The following SAP130 variants were observed in gnomAD, a reference collection of about 807,000 sequenced individuals.
SAP130 encodes the protein histone deacetylase complex subunit SAP130.
SAP130 carries 16 observed loss-of-function variants against 103.2 expected under a neutral mutation model. That is an observed-to-expected ratio of 0.16 (90% CI 0.10 to 0.24). The LOEUF (loss-of-function observed/expected upper bound fraction) is 0.24. Among genes scored for constraint, SAP130 ranks in the 10% least tolerant of loss-of-function variants. The pLI is 1.00. For synonymous variants in SAP130, 477 were observed against 497.0 expected (o/e 0.96, Z 0.53); for missense variants, 990 against 1,359.7 (o/e 0.73, Z 4.28).
At position 128,016,433 on chromosome 2, in the gene SAP130, G is replaced by A. The variant is rs1684782872; in HGVS notation, c.463C>T (p.Pro155Ser). 6.2e-7 allele frequency: 1 copy of A among 1,613,830 alleles called. No individual in the cohort carries two copies. The highest frequency in any genetic ancestry group is 1.7e-5 in the Admixed American group (1 of 59,968). ...QVTVTMESSI[P>S]QASAIPVATI... ...GCCACAGGAATGGCTGAAGCTTGAGGGATGCTACTCTCCATGGTAACGGTA... is the reference window on the plus strand; with the variant it reads ...GCCACAGGAATGGCTGAAGCTTGAGAGATGCTACTCTCCATGGTAACGGTA... Residue 155 changes from proline (P) to serine (S), a missense_variant, in exon 4 of 21, where the codon CCT becomes TCT. Coordinates refer to ENST00000643581, the MANE Select transcript of SAP130 (RefSeq NM_001330301.2).
intron 15 of SAP130, among the ~76,000 whole-genome samples, chr2:127,969,443 G>T (rs973191961): frequency 1.3e-5 from 2 of 152,130 alleles, no homozygotes; most frequent in African/African-American, 4.8e-5. Flanking sequence ...CTTTGTGTTT[G>T]GCCTGCCTCT....
chr2:127,985,067 C>T (rs568630816), intron 14 of SAP130, among the ~76,000 whole-genome samples: 51 of 152,222 alleles, frequency 3.4e-4, no homozygotes, highest in Non-Finnish European at 6.2e-4. Flanking sequence ...AGAGCCAGGA[C>T]GCCATCGCGT....
At chr2:128,027,815 G>T in intron 1 of SAP130, 125 bp downstream of exon 1, 2 of 607,104 alleles carry the variant, frequency 3.3e-6, no homozygotes, top group Non-Finnish European at 4.1e-6. Context: ...GGTCCGAGCC[G>T]CAGGAGACGA....
At chr2:127,984,359 A>G (rs1272402588) in intron 14 of SAP130, among the ~76,000 whole-genome samples, 1 of 152,124 alleles carries the variant, frequency 6.6e-6, no homozygotes. Flanking sequence ...ACATCTTCCA[A>G]GGTGCTTTGG....
rs754220405 is a variant in SAP130 at position 127,986,925 on chromosome 2, G to C, written c.1818C>G (p.Asn606Lys). 20 of 1,613,886 alleles carry C rather than the reference G, an allele frequency of 1.2e-5. No individual in the cohort carries two copies. The highest frequency in any genetic ancestry group is 1.6e-5 in the Non-Finnish European group (19 of 1,179,878). The stretch of plus-strand genomic sequence containing the variant: ...CAGCACTGAATGGATTGCTAATAGG[G>C]TTGGCCACAATTGTGGCTCCATCTG... ...VLADGATIVA[N>K]PISNPFSAAP... is the part of the protein sequence containing the mutation. Residue 606 changes from asparagine to lysine, a missense_variant, in exon 14 of 21, where the codon AAC (asparagine) becomes AAG (lysine). By Grantham distance (94) the Asn-to-Lys change is moderately conservative (BLOSUM62 0). This residue lies in a region of SAP130 where 349 missense variants were observed against 384.1 expected (regional missense o/e 0.91). Transcript: ENST00000643581. This position sits in a 1 kb window ranked among gnomAD's most constrained non-coding sequence, Gnocchi z 4.7.
At chr2:128,019,730 A>G (rs2105228804) in intron 2 of SAP130, among the ~76,000 whole-genome samples, 1 of 152,130 alleles carries the variant, frequency 6.6e-6, no homozygotes, top group East Asian at 1.9e-4. Context: ...TACTAAAAAT[A>G]CAAAAAAATA....
chr2:128,027,087 T>C (rs747272852), intron 1 of SAP130: 1 of 1,441,654 alleles, frequency 6.9e-7, no homozygotes, highest in Non-Finnish European at 9.2e-7. Context: ...ACTGTGCCTC[T>C]TTACCTGTAG....
intron 15 of SAP130, among the ~76,000 whole-genome samples, chr2:127,969,987 T>C (rs1268420353): frequency 6.6e-6 from 1 of 152,180 alleles, no homozygotes; most frequent in African/African-American, 2.4e-5. Context: ...ACCAGCACTC[T>C]GGGAGGCCGA....
At position 128,000,462 on chromosome 2, in the gene SAP130, G is replaced by A. The variant is rs368040598; in HGVS notation, c.870-8C>T. The A allele has an allele frequency of 5.2e-4, 842 of 1,614,024 alleles. 5 individuals carry two copies. The highest frequency in any genetic ancestry group is 3.1e-3 in the Middle Eastern group (19 of 6,056). ...ATAGACAAGGTTGGCCTACTGAAAA[G>A]ATAACAAAGACACAATGCAGATGGG... is the stretch of plus-strand genomic sequence containing the variant. On this transcript the variant is annotated splice_region_variant and splice_polypyrimidine_tract_variant and intron_variant, in intron 7 of 20. Transcript: ENST00000643581.
intron 15 of SAP130, among the ~76,000 whole-genome samples, chr2:127,970,185 C>T (rs1680973863): frequency 7.0e-6 from 1 of 143,070 alleles, no homozygotes; most frequent in Non-Finnish European, 1.5e-5. Flanking sequence ...CCGAGATTAC[C>T]TCACTGCACT....
chr2:128,014,858 G>A lies in SAP130; in HGVS notation c.564C>T (p.Ile188=), dbSNP rs771353617. 1 of 1,614,198 alleles carries A rather than the reference G, an allele frequency of 6.2e-7. No individual in the cohort carries two copies. Among genetic ancestry groups the A allele is most frequent in the South Asian group, 1.1e-5 (1 of 91,078 alleles). ...GAGGGGGCCCAGGAGCATTGCTGCG[G>A]ATGATAGACATTTGCACATTTGTAG... ...IMTTNVQMSI[I]RSNAPGPPLH... Residue 188 remains isoleucine, a synonymous_variant, in exon 5 of 21, where the codon ATC becomes ATT. Transcript: ENST00000643581.
chr2:127,965,855 CTTA>C (rs1035254320), intron 15 of SAP130, among the ~76,000 whole-genome samples: 149 of 151,612 alleles, frequency 9.8e-4, no homozygotes, highest in African/African-American at 3.4e-3. Flanking sequence ...TCTATTTCCC[CTTA>C]TTATTATTTC....
At position 128,000,120 on chromosome 2, in the gene SAP130, T is replaced by A. The variant is rs1199250996; in HGVS notation, c.1044A>T (p.Pro348=). The change falls in exon 9 of 21, where the codon CCA becomes CCT. Residue 348 remains proline, a synonymous_variant. Transcript: ENST00000643581. ...AQKTIFSTGT[P]VAAATVAPIL... Reference sequence around the variant, plus strand: ...TAGGTGCTACTGTGGCTGCAGCCACTGGCGTGCCAGTACTGAAGATTGTTT... The same window carrying A: ...TAGGTGCTACTGTGGCTGCAGCCACAGGCGTGCCAGTACTGAAGATTGTTT... The A allele has an allele frequency of 2.5e-6, 4 of 1,614,204 alleles. No homozygotes were observed. The South Asian group carries it at 4.4e-5, about 18-fold the overall frequency.
intron 14 of SAP130, among the ~76,000 whole-genome samples, chr2:127,981,320 T>TCCAGTCCTCCTGCACCCCGAC (rs1681866481): frequency 8.4e-5 from 2 of 23,814 alleles, no homozygotes; most frequent in African/African-American, 1.6e-4. Flanking sequence ...GCACCCCCAA[T>TCCAGTCCTCCTGCACCCCGAC]TCAGCTCCCC....
At chr2:127,980,781 TAA>T (rs1378185567) in intron 14 of SAP130, among the ~76,000 whole-genome samples, 13 of 151,838 alleles carry the variant, frequency 8.6e-5, no homozygotes, top group Non-Finnish European at 5.9e-5. Flanking sequence ...CCATCTCTAC[TAA>T]AAATACAAAA....
At chr2:127,954,896 G>A (rs1679722552) in intron 16 of SAP130, 90 bp downstream of exon 16, 1 of 1,023,496 alleles carries the variant, frequency 9.8e-7, no homozygotes, top group South Asian at 1.6e-5. Context: ...AGTCTTGGCT[G>A]AGGGTTACAG....
At chr2:127,963,691 G>T (rs1197205295) in intron 15 of SAP130, among the ~76,000 whole-genome samples, 4 of 152,130 alleles carry the variant, frequency 2.6e-5, no homozygotes, top group Non-Finnish European at 5.9e-5. Context: ...GAATCACGGG[G>T]GCGGGTCTTT....
At chr2:128,025,428 A>C (rs141268706) in intron 2 of SAP130, among the ~76,000 whole-genome samples, 1 of 152,260 alleles carries the variant, frequency 6.6e-6, no homozygotes, top group East Asian at 1.9e-4. Flanking sequence ...TAAGACTAAA[A>C]ACCAAGTTTT....
chr2:127,977,136 A>G (rs1485593349), intron 15 of SAP130, among the ~76,000 whole-genome samples: 1 of 152,138 alleles, frequency 6.6e-6, no homozygotes, highest in Non-Finnish European at 1.5e-5. Context: ...GTATTTTTAT[A>G]TAATCTAATT....
Sources: allele counts gnomAD v4.1 joint callset (sites outside exome capture counted in the v4.1 genomes callset), GRCh38; gene constraint gnomAD v4.1.1; regional missense constraint gnomAD v4.1.1; non-coding constraint Gnocchi (gnomAD v3.1); transcripts MANE v1.5; gene names NCBI Gene and HGNC (gene_info 2026-07-23, HGNC 2026-07-21).